PHF3: variants seen among roughly 807,000 people sequenced by gnomAD.
The protein encoded by PHF3 is PHD finger protein 3.
A neutral mutation model predicts 178.4 loss-of-function variants in PHF3; 41 were observed. The ratio of observed to expected loss-of-function variants is 0.23; its 90% CI spans 0.18 to 0.30. PHF3 has a LOEUF of 0.30. Ranked by LOEUF, PHF3 falls within the 10% of genes least tolerant of loss-of-function variation. The probability of loss-of-function intolerance (pLI) is 1.00; values close to 1 mark genes in which losing one functional copy is unlikely to be tolerated. For missense variants in PHF3, 2,346 were observed against 2,398.1 expected (o/e 0.98, Z 0.45); for synonymous variants, 842 against 800.5 (o/e 1.05, Z -0.88).
rs748260929 is a variant in PHF3, at chr6:63,712,508, G to A, written c.4920G>A (p.Ala1640=). Residue 1640 remains alanine, a synonymous_variant, in exon 16 of 16, where the codon GCG becomes GCA. Coordinates refer to ENST00000262043, the MANE Select transcript of PHF3 (RefSeq NM_001370348.2). The part of the protein sequence containing the change: ...SCSENLVANT[A]RSPQFINLKR... The stretch of plus-strand genomic sequence containing the variant: ...GTGAAAACCTTGTTGCTAATACAGC[G>A]AGGTCTCCACAGTTTATCAACCTGA... 8.1e-6 allele frequency: 13 copies of A among 1,613,882 alleles called. No individual in the cohort carries two copies. The highest frequency in any genetic ancestry group is 3.3e-5 in the Admixed American group (2 of 59,968).
chr6:63,652,279 C>G (rs1387223451), intron 2 of PHF3, among the ~76,000 whole-genome samples: 1 of 152,088 alleles, frequency 6.6e-6, no homozygotes, highest in Non-Finnish European at 1.5e-5. Flanking sequence ...ATTGGCATTT[C>G]CCAGATGATT....
At chr6:63,666,820 C>G (rs897867635) in intron 2 of PHF3, among the ~76,000 whole-genome samples, 1 of 150,434 alleles carries the variant, frequency 6.6e-6, no homozygotes, top group Non-Finnish European at 1.5e-5. Context: ...GGTGTAATCT[C>G]AGCTCACTGC....
chr6:63,700,302 C>T (rs749461440), intron 8 of PHF3, 48 bp from the exon 9 acceptor site: 2 of 846,298 alleles, frequency 2.4e-6, no homozygotes, highest in Non-Finnish European at 3.8e-6. Flanking sequence ...GTAGTAGCCA[C>T]TCAAAATGTT....
chr6:63,655,314 T>C (rs1162916869), intron 2 of PHF3, among the ~76,000 whole-genome samples: 2 of 151,962 alleles, frequency 1.3e-5, no homozygotes, highest in Non-Finnish European at 2.9e-5. Context: ...TGACTTCAGG[T>C]GATCCACCTG....
Position 63,674,808 on chromosome 6 carries a change from A to G in PHF3, c.245-5192A>G, listed in dbSNP as rs371868999. On this transcript the variant is annotated intron_variant, in intron 2 of 15. Coordinates refer to ENST00000262043, the MANE Select transcript of PHF3 (RefSeq NM_001370348.2). ...TTGTAATAGAGGAAATAACCGACGTAGAAGTATAATAGTTGAGCTAAGTTT... is the reference window on the plus strand; with the variant it reads ...TTGTAATAGAGGAAATAACCGACGTGGAAGTATAATAGTTGAGCTAAGTTT... Among the ~76,000 whole-genome samples the G allele has an allele frequency of 2.0e-5, 3 of 152,336 alleles. No individual in the cohort carries two copies. The East Asian group carries it at 5.8e-4, about 29-fold the overall frequency.
intron 2 of PHF3, among the ~76,000 whole-genome samples, chr6:63,657,535 AAG>A (rs1434599389): frequency 1.3e-5 from 2 of 152,228 alleles, no homozygotes; most frequent in Admixed American, 6.5e-5. Context: ...AATCATCAAA[AAG>A]AATATGTATT....
At chr6:63,654,621 G>T (rs1409400423) in intron 2 of PHF3, among the ~76,000 whole-genome samples, 5 of 152,174 alleles carry the variant, frequency 3.3e-5, no homozygotes, top group Non-Finnish European at 5.9e-5. Flanking sequence ...GTATGACCTA[G>T]TAGCTGCCAT....
At position 63,679,506 on chromosome 6, in the gene PHF3, G is replaced by A. The variant is rs551453028; in HGVS notation, c.245-494G>A. Reference sequence around the variant, plus strand: ...TTCTTCCTGTTTTTTTTTTCTTTTGGTACCAGTCAAAAGTACATCTGCATT... The same window carrying A: ...TTCTTCCTGTTTTTTTTTTCTTTTGATACCAGTCAAAAGTACATCTGCATT... On this transcript the variant is annotated intron_variant, in intron 2 of 15. Coordinates refer to ENST00000262043, the MANE Select transcript of PHF3 (RefSeq NM_001370348.2). 9.9e-4 allele frequency among the ~76,000 whole-genome samples: 147 copies of A among 148,388 alleles called. 2 individuals are homozygous for A. In the South Asian group the frequency reaches 0.03, roughly 30 times the overall value.
intron 9 of PHF3, among the ~76,000 whole-genome samples, chr6:63,700,946 G>GT (rs1400130307): frequency 6.6e-6 from 1 of 151,868 alleles, no homozygotes; most frequent in Non-Finnish European, 1.5e-5. Context: ...ATCTTGTCAG[G>GT]TTTTTTTCTC....
intron 4 of PHF3, among the ~76,000 whole-genome samples, chr6:63,688,185 C>CA (rs1212338768): frequency 0.012 from 754 of 62,140 alleles, 20 homozygotes; most frequent in African/African-American, 0.026. Context: ...GACTCCGTCT[C>CA]AAAAAAAAAA....
chr6:63,672,710 G>A (rs1440720325), intron 2 of PHF3, among the ~76,000 whole-genome samples: 3 of 152,174 alleles, frequency 2.0e-5, no homozygotes, highest in East Asian at 1.9e-4. Context: ...TTGAGTCCTT[G>A]TGGATGAGCC....
At chr6:63,682,416 CA>C (rs1264012198) in intron 3 of PHF3, among the ~76,000 whole-genome samples, 2 of 152,066 alleles carry the variant, frequency 1.3e-5, no homozygotes, top group East Asian at 3.9e-4. Flanking sequence ...ACTTGGTAAT[CA>C]TCTCTTGTTT....
chr6:63,689,841 T>A (rs748416249), intron 4 of PHF3, among the ~76,000 whole-genome samples: 1 of 152,126 alleles, frequency 6.6e-6, no homozygotes, highest in Admixed American at 6.5e-5. Context: ...GTACTGTAGG[T>A]TTTTAAGTCA....
chr6:63,663,765 C>T (rs1415652402), intron 2 of PHF3, among the ~76,000 whole-genome samples: 5 of 152,086 alleles, frequency 3.3e-5, no homozygotes, highest in Admixed American at 1.3e-4. Context: ...AGTATGGAGT[C>T]GCACAGTGCC....
In PHF3 at chr6:63,654,583, G is replaced by A. The variant is rs116439697; in HGVS notation, c.244+7788G>A. 3.0e-3 allele frequency among the ~76,000 whole-genome samples: 458 copies of A among 152,284 alleles called. 2 individuals are homozygous for A. The highest frequency in any genetic ancestry group is 5.8e-3 in the Non-Finnish European group (392 of 68,024). ...AGAATTAGAGCTGTAACTTAGGGAA[G>A]AAGAGGAAATGCCAAAAGATCGAAA... On this transcript the variant is annotated intron_variant, in intron 2 of 15. Coordinates refer to ENST00000262043, the MANE Select transcript of PHF3 (RefSeq NM_001370348.2).
intron 4 of PHF3, 124 bp downstream of exon 4, chr6:63,686,035 A>G (rs530757094): frequency 6.0e-5 from 38 of 637,180 alleles, no homozygotes; most frequent in Middle Eastern, 2.9e-4. Context: ...TGCAAAAACA[A>G]AAAGCTTCAT....
intron 5 of PHF3, among the ~76,000 whole-genome samples, chr6:63,692,369 A>T (rs1477573485): frequency 6.6e-6 from 1 of 152,104 alleles, no homozygotes; most frequent in Non-Finnish European, 1.5e-5. Flanking sequence ...AAGTTGTTTT[A>T]AAAAAGCTTT....
chr6:63,685,441 T>A lies in PHF3; in HGVS notation c.1719T>A (p.His573Gln). ...TTAAATCTGTGAAAAACCAAGCTCATTCTGTACTGAAAAAAACATTACAGG... is the reference window on the plus strand; with the variant it reads ...TTAAATCTGTGAAAAACCAAGCTCAATCTGTACTGAAAAAAACATTACAGG... ...SGVKSVKNQAHSVLKKTLQDQ... is the reference protein window; with the variant it reads ...SGVKSVKNQAQSVLKKTLQDQ... The change falls in exon 4 of 16, where the codon CAT becomes CAA. Residue 573 changes from histidine to glutamine, a missense_variant. His to Gln is a conservative substitution (Grantham distance 24). This residue lies in a region of PHF3 where 843 missense variants were observed against 795.2 expected (regional missense o/e 1.06). Coordinates refer to ENST00000262043, the MANE Select transcript of PHF3 (RefSeq NM_001370348.2). 6.2e-7 allele frequency: 1 copy of A among 1,614,104 alleles called. No individual in the cohort carries two copies. Among genetic ancestry groups the A allele is most frequent in the African/African-American group, 1.3e-5 (1 of 75,040 alleles).
intron 2 of PHF3, among the ~76,000 whole-genome samples, chr6:63,676,811 G>A (rs930418697): frequency 6.6e-6 from 1 of 152,228 alleles, no homozygotes; most frequent in Non-Finnish European, 1.5e-5. Context: ...ACTGTCAGGG[G>A]AGAGGGGATG....
Sources: allele counts gnomAD v4.1 joint callset (sites outside exome capture counted in the v4.1 genomes callset), GRCh38; gene constraint gnomAD v4.1.1; regional missense constraint gnomAD v4.1.1; transcripts MANE v1.5; gene names NCBI Gene and HGNC (gene_info 2026-07-23, HGNC 2026-07-21).